Variants in PCDH15 observed in about 807,000 individuals in gnomAD.
PCDH15 encodes the protein protocadherin-15.
In PCDH15, 129 loss-of-function variants were observed where a neutral mutation model predicts 178.5. The observed-to-expected ratio is 0.72, with a 90% CI of 0.63 to 0.84. PCDH15 has a LOEUF of 0.84. Ranked by LOEUF, PCDH15 falls within the 40% of genes least tolerant of loss-of-function variation. PCDH15 has a pLI of 0.00. For missense variants in PCDH15, 2,230 were observed against 2,099.9 expected (o/e 1.06, Z -1.21); for synonymous variants, 800 against 732.0 (o/e 1.09, Z -1.50).
intron 14 of PCDH15, among the ~76,000 whole-genome samples, chr10:54,143,647 T>C (rs1367646402): frequency 6.6e-6 from 1 of 152,190 alleles, no homozygotes; most frequent in African/African-American, 2.4e-5. Flanking sequence ...ATAATTTTTG[T>C]GGCTTTTATC....
chr10:54,170,007 C>T (rs1182842025), intron 13 of PCDH15, among the ~76,000 whole-genome samples: 1 of 149,974 alleles, frequency 6.7e-6, no homozygotes, highest in African/African-American at 2.5e-5. Flanking sequence ...AGATCTCAAA[C>T]ATGCTTTCTT....
intron 25 of PCDH15, among the ~76,000 whole-genome samples, chr10:53,919,535 T>C (rs577470171): frequency 6.6e-6 from 1 of 152,326 alleles, no homozygotes; most frequent in African/African-American, 2.4e-5. Context: ...ATATTATTGA[T>C]TGTCCACATT....
chr10:54,542,282 A>T (rs1027041699), intron 2 of PCDH15, among the ~76,000 whole-genome samples: 1 of 152,196 alleles, frequency 6.6e-6, no homozygotes, highest in African/African-American at 2.4e-5. Flanking sequence ...GAAGCAGGAA[A>T]GTTGTTAGAC....
intron 2 of PCDH15, among the ~76,000 whole-genome samples, chr10:54,572,700 C>T (rs1054976026): frequency 4.6e-5 from 7 of 152,100 alleles, no homozygotes; most frequent in Admixed American, 4.6e-4. Context: ...AGTATTATTA[C>T]AATGAGTTCT....
intron 2 of PCDH15, among the ~76,000 whole-genome samples, chr10:54,562,192 T>C (rs1565603639): frequency 6.6e-6 from 1 of 151,030 alleles, no homozygotes; most frequent in Non-Finnish European, 1.5e-5. Context: ...GGTTTCACCA[T>C]GTTTGCCAGG....
intron 1 of PCDH15, among the ~76,000 whole-genome samples, chr10:55,312,513 C>T (rs147615324): frequency 1.6e-3 from 246 of 151,632 alleles, no homozygotes; most frequent in African/African-American, 5.7e-3. Context: ...GTGTGTCTTA[C>T]TTAAAAAAAG....
chr10:55,320,644 C>T (rs534536613), upstream of PCDH15, among the ~76,000 whole-genome samples: 3 of 151,204 alleles, frequency 2.0e-5, no homozygotes, highest in South Asian at 6.3e-4. Flanking sequence ...CCTGATGCCA[C>T]CCCCCCCAGA....
At chr10:54,573,291 T>C (rs947556433) in intron 2 of PCDH15, among the ~76,000 whole-genome samples, 1 of 152,134 alleles carries the variant, frequency 6.6e-6, no homozygotes, top group African/African-American at 2.4e-5. Context: ...TTATTTTTCT[T>C]GATGTTTTCA....
At chr10:54,383,131 AT>A (rs1296741267) in intron 3 of PCDH15, among the ~76,000 whole-genome samples, 2 of 152,110 alleles carry the variant, frequency 1.3e-5, no homozygotes, top group African/African-American at 2.4e-5. Flanking sequence ...GTTATATATT[AT>A]TTTTCATTAA....
intron 10 of PCDH15, among the ~76,000 whole-genome samples, chr10:54,206,903 G>A (rs1436418167): frequency 1.3e-5 from 2 of 152,040 alleles, no homozygotes; most frequent in East Asian, 1.9e-4. Flanking sequence ...GTGGGGAGAC[G>A]TGACAAGGGT....
chr10:54,803,809 C>G (rs909632103), upstream of PCDH15, among the ~76,000 whole-genome samples: 2 of 152,106 alleles, frequency 1.3e-5, no homozygotes, highest in African/African-American at 4.8e-5. Flanking sequence ...AGATTTTGAA[C>G]ATTGAAAACA....
At chr10:55,277,540 C>T (rs945539289) in intron 1 of PCDH15, among the ~76,000 whole-genome samples, 4 of 152,020 alleles carry the variant, frequency 2.6e-5, no homozygotes, top group Admixed American at 1.3e-4. Context: ...GAAAAAGAAC[C>T]TGTACACCAC....
At chr10:54,181,166 T>C (rs2047949590) in intron 13 of PCDH15, among the ~76,000 whole-genome samples, 1 of 152,202 alleles carries the variant, frequency 6.6e-6, no homozygotes, top group African/African-American at 2.4e-5. Context: ...GTCATTCATT[T>C]ATTTATGTAA....
intron 3 of PCDH15, among the ~76,000 whole-genome samples, chr10:54,519,660 G>T (rs1482176938): frequency 6.6e-6 from 1 of 152,118 alleles, no homozygotes; most frequent in Non-Finnish European, 1.5e-5. Context: ...TAGATTCAAT[G>T]CCATCCCCAT....
At chr10:54,085,333 T>G (rs2094498410) in intron 16 of PCDH15, among the ~76,000 whole-genome samples, 1 of 152,136 alleles carries the variant, frequency 6.6e-6, no homozygotes, top group Admixed American at 6.6e-5. Context: ...ATTTTTGAAA[T>G]TCTCTTATTT....
intron 28 of PCDH15, 151 bp from the exon 29 acceptor site, chr10:53,840,647 A>T: frequency 1.3e-6 from 1 of 768,796 alleles, no homozygotes; most frequent in Non-Finnish European, 2.1e-6. Flanking sequence ...CTTGAAAAAC[A>T]TTCTCTATAT....
intron 14 of PCDH15, among the ~76,000 whole-genome samples, chr10:54,135,719 G>A (rs2042850380): frequency 2.0e-5 from 3 of 152,098 alleles, no homozygotes; most frequent in Admixed American, 2.0e-4. Flanking sequence ...GTCCTACAAC[G>A]TTATTGGTAA....
At chr10:54,233,759 G>T (rs1441610666) in intron 9 of PCDH15, among the ~76,000 whole-genome samples, 1 of 152,224 alleles carries the variant, frequency 6.6e-6, no homozygotes, top group Non-Finnish European at 1.5e-5. Flanking sequence ...TATATATACA[G>T]CTTGCTTTTA....
At chr10:55,117,522 T>C (rs1212598552) in intron 2 of PCDH15, among the ~76,000 whole-genome samples, 1 of 152,192 alleles carries the variant, frequency 6.6e-6, no homozygotes. Context: ...TTTCATTTTC[T>C]AGGGAATGTA....
Sources: allele counts gnomAD v4.1 joint callset (sites outside exome capture counted in the v4.1 genomes callset), GRCh38; gene constraint gnomAD v4.1.1; transcripts MANE v1.5; gene names NCBI Gene and HGNC (gene_info 2026-07-23, HGNC 2026-07-21).